MAP3K1: variants seen among roughly 807,000 people sequenced by gnomAD.
The protein encoded by MAP3K1 is mitogen-activated protein kinase kinase kinase 1, also known as MAP/ERK kinase kinase 1.
Under a neutral mutation model 144.2 loss-of-function variants are expected in MAP3K1, and 36 were observed. The observed-to-expected ratio is 0.25, with a 90% CI of 0.19 to 0.33. The LOEUF (loss-of-function observed/expected upper bound fraction) is 0.33, where lower values mean the gene tolerates loss of function less well. Ranked by LOEUF, MAP3K1 falls within the 10% of genes least tolerant of loss-of-function variation. MAP3K1 has a pLI of 1.00. For synonymous variants in MAP3K1, 718 were observed against 688.7 expected, an observed-to-expected ratio of 1.04 and a Z score of -0.67; for missense variants, 1,650 against 1,881.9, an observed-to-expected ratio of 0.88 and a Z score of 2.28.
intron 1 of MAP3K1, among the ~76,000 whole-genome samples, chr5:56,816,628 A>G (rs553807006): frequency 6.6e-4 from 100 of 151,964 alleles, no homozygotes; most frequent in Admixed American, 1.0e-3. Context: ...CTAGGCAGAT[A>G]CCGCGGGCTG....
At chr5:56,869,364 A>ACTCC (rs1209432717) in intron 6 of MAP3K1, among the ~76,000 whole-genome samples, 31 of 152,184 alleles carry the variant, frequency 2.0e-4, no homozygotes, top group African/African-American at 7.2e-4. Flanking sequence ...TTACAAGATG[A>ACTCC]AAAGGATACT....
At position 56,861,968 on chromosome 5, in the gene MAP3K1, C is replaced by T. The variant is rs528359210; in HGVS notation, c.834+2053C>T. On this transcript the variant is annotated intron_variant, in intron 3 of 19. Coordinates refer to ENST00000399503, the MANE Select transcript of MAP3K1 (RefSeq NM_005921.2). ...GTACATTTAAAGCAAAAACATTTTA[C>T]AGTAAAACCTGATGCCCAACAGTAG... 11 of 152,256 alleles carry T rather than the reference C, an allele frequency of 7.2e-5. 1 individual carries two copies. Among genetic ancestry groups the T allele is most frequent in the Middle Eastern group, 3.4e-3 (1 of 294 alleles). 9.4% of individuals were successfully genotyped at this position (152,256 alleles called of 1,614,324 possible).
chr5:56,871,833 G>A (rs1747861569), intron 6 of MAP3K1, 77 bp from the exon 7 acceptor site: 2 of 1,365,370 alleles, frequency 1.5e-6, no homozygotes, highest in Non-Finnish European at 2.1e-6. Flanking sequence ...TTCTAAGCAA[G>A]CAGAAAGTGT....
chr5:56,871,216 T>G (rs1747842671), intron 6 of MAP3K1, among the ~76,000 whole-genome samples: 1 of 152,210 alleles, frequency 6.6e-6, no homozygotes, highest in Non-Finnish European at 1.5e-5. Flanking sequence ...TCTCTGTTCC[T>G]TTTTAAAGGC....
In MAP3K1 at chr5:56,894,006, C is replaced by T. The variant is rs993762031; in HGVS notation, c.*326C>T. On this transcript the variant is annotated 3_prime_UTR_variant, in exon 20 of 20. Transcript: ENST00000399503. ...TGGAGCACTTTTTCAGCAATATTAG[C>T]GGCTGAGGGGCTCAGGATCTATTTT... The T allele has an allele frequency of 2.2e-5, 9 of 416,488 alleles. No homozygotes were observed. The highest frequency in any genetic ancestry group is 2.0e-4 in the East Asian group (5 of 25,042). 25.8% of individuals were successfully genotyped at this position (416,488 alleles called of 1,614,324 possible).
chr5:56,865,190 T>C (rs546450845), intron 4 of MAP3K1, 150 bp from the exon 5 acceptor site: 7 of 640,280 alleles, frequency 1.1e-5, no homozygotes, highest in South Asian at 7.8e-5. Context: ...GAAATAGCTG[T>C]AGATTTTTCT....
intron 10 of MAP3K1, among the ~76,000 whole-genome samples, chr5:56,877,355 T>C (rs1156602977): frequency 1.3e-5 from 2 of 152,110 alleles, no homozygotes; most frequent in Non-Finnish European, 2.9e-5. Flanking sequence ...TCAGACTGTT[T>C]CCCAACTAGC....
At chr5:56,839,069 A>G (rs1003034760) in intron 1 of MAP3K1, among the ~76,000 whole-genome samples, 1 of 152,198 alleles carries the variant, frequency 6.6e-6, no homozygotes, top group Non-Finnish European at 1.5e-5. Flanking sequence ...CAACTTGGCC[A>G]TAGGTCAGTG....
intron 1 of MAP3K1, among the ~76,000 whole-genome samples, chr5:56,840,727 T>TA (rs1746786161): frequency 6.6e-6 from 1 of 152,174 alleles, no homozygotes; most frequent in South Asian, 2.1e-4. Flanking sequence ...AAGTAGTTAT[T>TA]AATAGAATTC....
In MAP3K1 at chr5:56,881,876, C is replaced by G. The variant is rs1190342968; in HGVS notation, c.2676C>G (p.Asn892Lys). 6.2e-7 allele frequency: 1 copy of G among 1,614,118 alleles called. No individual in the cohort carries two copies. Among genetic ancestry groups the G allele is most frequent in the South Asian group, 1.1e-5 (1 of 91,080 alleles). ...DSFLQASVPNNYLETTENSSP... is the reference protein window; with the variant it reads ...DSFLQASVPNKYLETTENSSP... ...TCTTGCAGGCATCTGTTCCCAACAA[C>G]TATCTGGAAACCACAGAGAACAGTT... The change falls in exon 14 of 20, where the codon AAC (asparagine) becomes AAG (lysine). Residue 892 changes from asparagine to lysine, a missense_variant. Physicochemically the swap from Asn to Lys is moderately conservative, Grantham distance 94. Coordinates refer to ENST00000399503, the MANE Select transcript of MAP3K1 (RefSeq NM_005921.2).
chr5:56,894,354 T>C lies in MAP3K1; in HGVS notation c.*674T>C, dbSNP rs904727797. On this transcript the variant is annotated 3_prime_UTR_variant, in exon 20 of 20. Transcript: ENST00000399503. ...TTTTTGTTTATTCAGGGAAAGCTGA[T>C]CTTTTTTTCAAACCAGAAAAAAAAA... 1.9e-4 allele frequency: 44 copies of C among 232,382 alleles called. No individual in the cohort carries two copies. Among genetic ancestry groups the C allele is most frequent in the African/African-American group, 8.2e-4 (37 of 45,262 alleles). 14.4% of individuals were successfully genotyped at this position (232,382 alleles called of 1,614,324 possible).
intron 6 of MAP3K1, among the ~76,000 whole-genome samples, chr5:56,868,375 T>A (rs1747741811): frequency 6.6e-6 from 1 of 152,076 alleles, no homozygotes; most frequent in Non-Finnish European, 1.5e-5. Flanking sequence ...ATGTTTGTAA[T>A]GGTTTCTTTC....
intron 1 of MAP3K1, among the ~76,000 whole-genome samples, chr5:56,847,605 A>T (rs1458993925): frequency 2.0e-5 from 3 of 152,276 alleles, no homozygotes; most frequent in Admixed American, 2.0e-4. Flanking sequence ...CAACAAAAAA[A>T]GTAACACTTT....
chr5:56,830,413 C>T (rs1030484719), intron 1 of MAP3K1, among the ~76,000 whole-genome samples: 8 of 152,094 alleles, frequency 5.3e-5, no homozygotes, highest in Non-Finnish European at 7.4e-5. Flanking sequence ...TAAACACATA[C>T]ATATACTACC....
intron 6 of MAP3K1, among the ~76,000 whole-genome samples, chr5:56,869,391 G>T (rs555843282): frequency 6.6e-6 from 1 of 152,306 alleles, no homozygotes; most frequent in Admixed American, 6.5e-5. Flanking sequence ...ACATAGTGGT[G>T]ATGGTTGCAC....
chr5:56,842,432 T>TA (rs1412580050), intron 1 of MAP3K1, among the ~76,000 whole-genome samples: 2 of 152,228 alleles, frequency 1.3e-5, no homozygotes, highest in Non-Finnish European at 2.9e-5. Flanking sequence ...TGAGGACTCT[T>TA]ACCTTGTAGC....
At chr5:56,822,014 G>A (rs1209056583) in intron 1 of MAP3K1, among the ~76,000 whole-genome samples, 4 of 151,822 alleles carry the variant, frequency 2.6e-5, no homozygotes, top group Non-Finnish European at 4.4e-5. Context: ...TTTGTATATC[G>A]TTTGGTATTT....
intron 1 of MAP3K1, among the ~76,000 whole-genome samples, chr5:56,819,064 T>G (rs1357374912): frequency 6.6e-6 from 1 of 152,186 alleles, no homozygotes; most frequent in Non-Finnish European, 1.5e-5. Context: ...AAGTTTTTAG[T>G]TAAGAATGGT....
Position 56,881,310 on chromosome 5 carries a change from C to T in MAP3K1, c.2369+38C>T, listed in dbSNP as rs1329942992. 2.0e-6 allele frequency: 3 copies of T among 1,517,936 alleles called. No individual in the cohort carries two copies. The Admixed American group carries it at 5.0e-5, about 26-fold the overall frequency. 94.0% of individuals were successfully genotyped at this position (1,517,936 alleles called of 1,614,324 possible). On this transcript the variant is annotated intron_variant, in intron 13 of 19. Coordinates refer to ENST00000399503, the MANE Select transcript of MAP3K1 (RefSeq NM_005921.2). ...CTGAAAATGTATTACTTGTATCTTC[C>T]TACCCTCCCTACACCCTCCTCAAGA...
Sources: allele counts gnomAD v4.1 joint callset (sites outside exome capture counted in the v4.1 genomes callset), GRCh38; gene constraint gnomAD v4.1.1; transcripts MANE v1.5; gene names NCBI Gene and HGNC (gene_info 2026-07-23, HGNC 2026-07-21).